IL1RAPL2: variants seen among roughly 807,000 people sequenced by gnomAD.
IL1RAPL2 encodes the protein X-linked interleukin-1 receptor accessory protein-like 2.
In IL1RAPL2, 3 loss-of-function variants were observed where a neutral mutation model predicts 44.1. The observed-to-expected ratio is 0.07, with a 90% CI of 0.03 to 0.18. The LOEUF (loss-of-function observed/expected upper bound fraction) is 0.18, where lower values mean the gene tolerates loss of function less well. Among genes scored for constraint, IL1RAPL2 ranks in the 10% least tolerant of loss-of-function variants. IL1RAPL2 has a pLI of 1.00. For synonymous variants in IL1RAPL2, 181 were observed against 178.8 expected, an observed-to-expected ratio of 1.01 and a Z score of -0.10; for missense variants, 391 against 496.4, an observed-to-expected ratio of 0.79 and a Z score of 2.02.
intron 2 of IL1RAPL2, among the ~76,000 whole-genome samples, chrX:105,087,745 A>C: frequency 8.9e-6 from 1 of 112,070 alleles, no homozygotes; most frequent in Non-Finnish European, 1.9e-5. Context: ...GAAGTTCCAG[A>C]GACTTTCTTG....
intron 5 of IL1RAPL2, among the ~76,000 whole-genome samples, chrX:105,293,429 T>C (rs2034630556): frequency 8.9e-6 from 1 of 111,921 alleles, no homozygotes; most frequent in Admixed American, 9.5e-5. Context: ...TCAAAGGTTA[T>C]ATGCTTTTTA....
At chrX:105,276,125 G>T (rs1270979012) in intron 5 of IL1RAPL2, among the ~76,000 whole-genome samples, 2 of 112,771 alleles carry the variant, frequency 1.8e-5, no homozygotes, top group Admixed American at 1.9e-4. Flanking sequence ...CTCAAATGCG[G>T]CCAGGCACGG....
chrX:105,363,310 T>TATATATATATATATATA (rs2035267255), intron 5 of IL1RAPL2, among the ~76,000 whole-genome samples: 2 of 73,866 alleles, frequency 2.7e-5, no homozygotes, highest in Admixed American at 1.4e-4. Context: ...ATATATATAA[T>TATATATATATATATATA]ATATATATAT....
intron 2 of IL1RAPL2, among the ~76,000 whole-genome samples, chrX:104,768,215 C>T (rs1312734668): frequency 9.0e-6 from 1 of 111,247 alleles, no homozygotes; most frequent in African/African-American, 3.3e-5. Context: ...AGTATACATA[C>T]CTGGTTGTAC....
At chrX:104,760,613 C>T (rs781349053) in intron 2 of IL1RAPL2, among the ~76,000 whole-genome samples, 30 of 112,069 alleles carry the variant, frequency 2.7e-4, no homozygotes, top group African/African-American at 8.1e-4. Flanking sequence ...ATATTTTACC[C>T]ATCTTTTGAT....
chrX:105,628,942 C>CAAA (rs34686044), intron 6 of IL1RAPL2, among the ~76,000 whole-genome samples: 2 of 92,968 alleles, frequency 2.2e-5, no homozygotes, highest in Non-Finnish European at 2.1e-5. Flanking sequence ...GACTTCATCT[C>CAAA]AAAAAAAAAA....
At chrX:105,068,500 G>A (rs753961828) in intron 2 of IL1RAPL2, among the ~76,000 whole-genome samples, 1 of 111,792 alleles carries the variant, frequency 8.9e-6, no homozygotes, top group Admixed American at 9.6e-5. Flanking sequence ...CTATAAATAT[G>A]TTAAGAACTA....
intron 6 of IL1RAPL2, among the ~76,000 whole-genome samples, chrX:105,672,568 T>A (rs1227723782): frequency 8.9e-6 from 1 of 112,545 alleles, no homozygotes; most frequent in East Asian, 2.8e-4. Context: ...AAGTCCAGAC[T>A]TCTCACATGG....
intron 5 of IL1RAPL2, among the ~76,000 whole-genome samples, chrX:105,434,064 T>C (rs781252758): frequency 1.8e-5 from 2 of 111,034 alleles, no homozygotes; most frequent in Non-Finnish European, 3.8e-5. Context: ...CAATGAAAAA[T>C]AGATTGAACA....
chrX:104,953,285 C>T (rs1204556297), intron 2 of IL1RAPL2, among the ~76,000 whole-genome samples: 1 of 111,595 alleles, frequency 9.0e-6, no homozygotes, highest in Non-Finnish European at 1.9e-5. Context: ...GTGCTGAGTA[C>T]TCTTATAGAA....
In IL1RAPL2 at chrX:105,306,062, A is replaced by G. The variant is rs577972244; in HGVS notation, c.697+38521A>G. On this transcript the variant is annotated intron_variant, in intron 5 of 10. Transcript: ENST00000372582. Reference sequence around the variant, plus strand: ...GTTGAAAGGTTTAAAGCATGATACAAGAAACACCTAAATACCATTCATGAA... The same window carrying G: ...GTTGAAAGGTTTAAAGCATGATACAGGAAACACCTAAATACCATTCATGAA... Among the ~76,000 whole-genome samples, 98 of 111,847 alleles carry G rather than the reference A, an allele frequency of 8.8e-4. No homozygotes were observed. In the Middle Eastern group the frequency reaches 0.014, roughly 16 times the overall value.
chrX:105,666,656 T>G (rs1482561561), intron 6 of IL1RAPL2, among the ~76,000 whole-genome samples: 1 of 111,959 alleles, frequency 8.9e-6, no homozygotes, highest in Non-Finnish European at 1.9e-5. Flanking sequence ...GACTTGAAGC[T>G]AGACAACCAG....
intron 6 of IL1RAPL2, among the ~76,000 whole-genome samples, chrX:105,495,411 A>G (rs1198323738): frequency 8.9e-6 from 1 of 112,237 alleles, no homozygotes; most frequent in Non-Finnish European, 1.9e-5. Flanking sequence ...AGTCCACAAA[A>G]AAGCTTTGAT....
intron 6 of IL1RAPL2, among the ~76,000 whole-genome samples, chrX:105,703,115 C>T (rs892353701): frequency 1.8e-5 from 2 of 111,509 alleles, no homozygotes; most frequent in Non-Finnish European, 3.8e-5. Flanking sequence ...AATAAGTTTT[C>T]TTAATCTCAG....
chrX:104,677,113 T>C (rs867419948), intron 2 of IL1RAPL2, among the ~76,000 whole-genome samples: 17 of 112,325 alleles, frequency 1.5e-4, no homozygotes, highest in South Asian at 3.7e-4. Flanking sequence ...AGTCATTCTC[T>C]GTCCAGCTTT....
chrX:105,663,501 G>A (rs1378083717), intron 6 of IL1RAPL2, among the ~76,000 whole-genome samples: 1 of 111,842 alleles, frequency 8.9e-6, no homozygotes, highest in East Asian at 2.8e-4. Context: ...ACCTCCTGTT[G>A]TTATTGCAGT....
At chrX:104,585,254 A>AAT (rs66611907) in intron 1 of IL1RAPL2, among the ~76,000 whole-genome samples, 1 of 32,051 alleles carries the variant, frequency 3.1e-5, no homozygotes, top group Non-Finnish European at 4.6e-5. Flanking sequence ...TATGATATAT[A>AAT]ATATATATAT....
At chrX:104,969,382 T>C (rs769057622) in intron 2 of IL1RAPL2, among the ~76,000 whole-genome samples, 3 of 110,809 alleles carry the variant, frequency 2.7e-5, no homozygotes, top group Admixed American at 1.9e-4. Context: ...ATTTAAAAGA[T>C]CTAAATGTAA....
At chrX:105,735,582 T>C (rs2147570848) in intron 7 of IL1RAPL2, among the ~76,000 whole-genome samples, 1 of 111,490 alleles carries the variant, frequency 9.0e-6, no homozygotes, top group Non-Finnish European at 1.9e-5. Flanking sequence ...TGGAAAACCC[T>C]CCCTTCTTTT....
Sources: allele counts gnomAD v4.1 joint callset (sites outside exome capture counted in the v4.1 genomes callset), GRCh38; gene constraint gnomAD v4.1.1; transcripts MANE v1.5; gene names NCBI Gene and HGNC (gene_info 2026-07-23, HGNC 2026-07-21).